Variants in MEIOSIN observed in about 807,000 individuals in gnomAD.
The protein encoded by MEIOSIN is meiosis initiator protein.
MEIOSIN carries 18 observed loss-of-function variants against 23.4 expected under a neutral mutation model. That is an observed-to-expected ratio of 0.77 (90% CI 0.53 to 1.14). The LOEUF (loss-of-function observed/expected upper bound fraction) is 1.14, where lower values mean the gene tolerates loss of function less well. Among genes scored for constraint, MEIOSIN ranks in the 50% most tolerant of loss-of-function variants. MEIOSIN has a pLI of 0.00. For synonymous variants in MEIOSIN, 187 were observed against 100.6 expected, an observed-to-expected ratio of 1.86 and a Z score of -5.14; for missense variants, 428 against 242.9, an observed-to-expected ratio of 1.76 and a Z score of -5.07.
intron 2 of MEIOSIN, 72 bp downstream of exon 2, chr19:45,735,519 G>A (rs1968394258): frequency 1.5e-6 from 1 of 663,848 alleles, no homozygotes; most frequent in Non-Finnish European, 2.8e-6. Context: ...AACATTTGCT[G>A]AGCATTTACC....
rs1968571441 is a variant in MEIOSIN, at chr19:45,745,267, G to A, written c.252G>A (p.Glu84=). Residue 84 remains glutamate, a synonymous_variant, in exon 4 of 15, where the codon GAG becomes GAA. Coordinates refer to ENST00000457052, the MANE Select transcript of MEIOSIN (RefSeq NM_001310124.2). ...AAAACCACACTAGCAAGCTGCAAGA[G>A]TTGGCACTGCTGCTGCCCATAGCCC... ...QRKNHTSKLQ[E]LALLLPIALK... is the part of the protein sequence containing the mutation. 1 of 703,038 alleles carries A rather than the reference G, an allele frequency of 1.4e-6. No individual in the cohort carries two copies. The highest frequency in any genetic ancestry group is 2.6e-6 in the Non-Finnish European group (1 of 385,018). 43.5% of individuals were successfully genotyped at this position (703,038 alleles called of 1,614,324 possible).
chr19:45,747,668 C>T (rs1968619249), intron 4 of MEIOSIN, among the ~76,000 whole-genome samples: 1 of 152,184 alleles, frequency 6.6e-6, no homozygotes, highest in Non-Finnish European at 1.5e-5. Context: ...TCTCATTTAA[C>T]TCTCCCACAA....
In MEIOSIN at chr19:45,759,445, G is replaced by A; in HGVS notation, c.1200G>A (p.Leu400=). The A allele has an allele frequency of 1.4e-6, 1 of 703,424 alleles. No homozygotes were observed. Among genetic ancestry groups the A allele is most frequent in the Non-Finnish European group, 2.6e-6 (1 of 385,064 alleles). 43.6% of individuals were successfully genotyped at this position (703,424 alleles called of 1,614,324 possible). Reference sequence around the variant, plus strand: ...TCTTTGAAGAAGTGTGCTTAGATCTGGAGTCTTCACCTTCAGCCTACACGC... The same window carrying A: ...TCTTTGAAGAAGTGTGCTTAGATCTAGAGTCTTCACCTTCAGCCTACACGC... ...AAFFEEVCLD[L]ESSPSAYTQE... Residue 400 remains leucine, a synonymous_variant, in exon 11 of 15, where the codon CTG becomes CTA. Transcript: ENST00000457052.
intron 9 of MEIOSIN, 96 bp downstream of exon 9, chr19:45,757,373 G>A: frequency 1.6e-6 from 1 of 643,228 alleles, no homozygotes; most frequent in Non-Finnish European, 2.9e-6. Flanking sequence ...GGCGGGAAAG[G>A]GAATGGAGAT....
Position 45,754,476 on chromosome 19 carries a change from C to G in MEIOSIN, c.557-3C>G, listed in dbSNP as rs1292060226. On this transcript the variant is annotated splice_polypyrimidine_tract_variant and splice_region_variant and intron_variant, in intron 6 of 14. Transcript: ENST00000457052. Reference sequence around the variant, plus strand: ...TCTGACACCTGAACCTCTGCTCCCCCAGAAAGCCAGACTCGGACCCCGAAG... The same window carrying G: ...TCTGACACCTGAACCTCTGCTCCCCGAGAAAGCCAGACTCGGACCCCGAAG... 11 of 700,822 alleles carry G rather than the reference C, an allele frequency of 1.6e-5. No homozygotes were observed. Among genetic ancestry groups the G allele is most frequent in the African/African-American group, 1.4e-4 (8 of 57,188 alleles). The allele number at this position is 700,822 out of a possible 1,614,324, so 43.4% of individuals were successfully genotyped here. A position where few individuals can be genotyped will look rare whatever the true frequency, so the allele number is the denominator to read the frequency against.
At chr19:45,743,391 T>A (rs747661411) in intron 3 of MEIOSIN, among the ~76,000 whole-genome samples, 11 of 152,074 alleles carry the variant, frequency 7.2e-5, no homozygotes, top group Admixed American at 2.0e-4. Flanking sequence ...ATATATATAT[T>A]TATTTATTTA....
intron 4 of MEIOSIN, among the ~76,000 whole-genome samples, chr19:45,750,123 A>G (rs1303264611): frequency 7.8e-6 from 1 of 128,192 alleles, no homozygotes; most frequent in East Asian, 2.6e-4. Flanking sequence ...GAAGGACCCC[A>G]TTCCCCACCC....
In MEIOSIN at chr19:45,759,496, C is replaced by T; in HGVS notation, c.1245+6C>T. ...AGGAGGCTCCACAGGAAAAGGTAGACATCCTCTGCCCCTCTGTCCACAGAC... is the reference window on the plus strand; with the variant it reads ...AGGAGGCTCCACAGGAAAAGGTAGATATCCTCTGCCCCTCTGTCCACAGAC... On this transcript the variant is annotated splice_donor_region_variant and intron_variant, in intron 11 of 14. Transcript: ENST00000457052. The T allele has an allele frequency of 1.4e-6, 1 of 703,326 alleles. No homozygotes were observed. The highest frequency in any genetic ancestry group is 2.6e-6 in the Non-Finnish European group (1 of 384,996). The allele number at this position is 703,326 out of a possible 1,614,324, so 43.6% of individuals were successfully genotyped here.
intron 6 of MEIOSIN, 49 bp from the exon 7 acceptor site, chr19:45,754,430 G>A (rs543607139): frequency 1.5e-5 from 10 of 675,104 alleles, no homozygotes; most frequent in African/African-American, 3.5e-5. Context: ...TCTGGTGACA[G>A]GCAGGTGACT....
Position 45,734,670 on chromosome 19 carries a change from AT to A in MEIOSIN, c.1-691del, listed in dbSNP as rs34632029. On this transcript the variant is annotated intron_variant, in intron 1 of 14. Coordinates refer to ENST00000457052, the MANE Select transcript of MEIOSIN (RefSeq NM_001310124.2). ...AAGCATGTGCCACTATGCCCAGGTA[AT>A]TTTTTTTTTTTTTTTGTAGAGGTGG... Among the ~76,000 whole-genome samples, 836 of 137,822 alleles carry A rather than the reference AT, an allele frequency of 6.1e-3. 5 individuals are homozygous for A. The highest frequency in any genetic ancestry group is 0.017 in the African/African-American group (622 of 37,280). The allele number at this position is 137,822 out of a possible 152,430, so 90.4% of individuals were successfully genotyped here. A position where few individuals can be genotyped will look rare whatever the true frequency, so the allele number is the denominator to read the frequency against.
At chr19:45,750,500 C>T (rs1223763206) in intron 4 of MEIOSIN, among the ~76,000 whole-genome samples, 175 bp from the exon 5 acceptor site, 1 of 151,930 alleles carries the variant, frequency 6.6e-6, no homozygotes, top group African/African-American at 2.4e-5. Context: ...GCTGGCATTA[C>T]AGGCATGTGC....
intron 2 of MEIOSIN, 133 bp downstream of exon 2, chr19:45,735,580 C>A (rs919038206): frequency 3.5e-6 from 2 of 575,122 alleles, no homozygotes; most frequent in Non-Finnish European, 3.1e-6. Context: ...ACTGTTAATC[C>A]ATACAACAAT....
chr19:45,751,695 A>G (rs1184692293), intron 5 of MEIOSIN, among the ~76,000 whole-genome samples: 1 of 146,268 alleles, frequency 6.8e-6, no homozygotes, highest in African/African-American at 2.6e-5. Flanking sequence ...GCCTTAGGGG[A>G]CTGCTATGTT....
rs897493684 is a variant in MEIOSIN at position 45,734,847 on chromosome 19, A to T, written c.1-530A>T. 3.3e-5 allele frequency among the ~76,000 whole-genome samples: 5 copies of T among 151,078 alleles called. No individual in the cohort carries two copies. In the East Asian group the frequency reaches 9.9e-4, roughly 30 times the overall value. ...TGAGGATTTAGGTCCTCATTTTGGGACTCTAAAGTATTAGTTTTAGTGCCT... is the reference window on the plus strand; with the variant it reads ...TGAGGATTTAGGTCCTCATTTTGGGTCTCTAAAGTATTAGTTTTAGTGCCT... On this transcript the variant is annotated intron_variant, in intron 1 of 14. Transcript: ENST00000457052.
chr19:45,738,363 A>G (rs1968443951), intron 2 of MEIOSIN, among the ~76,000 whole-genome samples: 2 of 152,260 alleles, frequency 1.3e-5, no homozygotes, highest in Non-Finnish European at 2.9e-5. Context: ...CAGGCCTGTA[A>G]TCCCAACACT....
intron 3 of MEIOSIN, among the ~76,000 whole-genome samples, chr19:45,743,259 A>G (rs562229343): frequency 1.3e-5 from 2 of 152,334 alleles, no homozygotes; most frequent in Admixed American, 1.3e-4. Context: ...ACCCTCTGAG[A>G]CGGTCAAATA....
chr19:45,746,688 G>GC (rs1968601532), intron 4 of MEIOSIN, among the ~76,000 whole-genome samples: 1 of 151,986 alleles, frequency 6.6e-6, no homozygotes, highest in Admixed American at 6.6e-5. Context: ...AGGAGTGGTG[G>GC]CGCGTGCCTA....
intron 3 of MEIOSIN, among the ~76,000 whole-genome samples, chr19:45,742,999 G>T (rs1006416571): frequency 2.6e-5 from 4 of 152,164 alleles, no homozygotes; most frequent in Non-Finnish European, 5.9e-5. Context: ...GAAGAAATTG[G>T]CTAAAACCCG....
intron 2 of MEIOSIN, among the ~76,000 whole-genome samples, chr19:45,738,394 G>T (rs1017080688): frequency 2.6e-5 from 4 of 152,264 alleles, no homozygotes; most frequent in Admixed American, 2.0e-4. Flanking sequence ...AAGGTGGGCT[G>T]ATCACTTGAA....
Sources: gnomAD v4.1 joint callset for allele counts (sites outside exome capture counted in the v4.1 genomes callset) on GRCh38, gnomAD v4.1.1 for gene constraint, MANE v1.5 for transcripts, NCBI Gene and HGNC (gene_info 2026-07-23, HGNC 2026-07-21) for gene names.